PNLIP: variants seen among roughly 807,000 people sequenced by gnomAD.
PNLIP encodes the protein pancreatic lipase.
In PNLIP, 49 loss-of-function variants were observed where a neutral mutation model predicts 57.1. That is an observed-to-expected ratio of 0.86 (90% confidence interval 0.68 to 1.09). The LOEUF (loss-of-function observed/expected upper bound fraction) is 1.09. Among genes scored for constraint, PNLIP ranks in the 50% least tolerant of loss-of-function variants. The pLI is 0.00. For missense variants in PNLIP, 503 were observed against 570.2 expected (o/e 0.88, Z 1.20); for synonymous variants, 209 against 200.4 (o/e 1.04, Z -0.36).
At chr10:116,552,576 G>C (rs1847205658) in intron 5 of PNLIP, among the ~76,000 whole-genome samples, 1 of 152,114 alleles carries the variant, frequency 6.6e-6, no homozygotes. Context: ...ATTACAAAAA[G>C]TTAAAAGTTT....
chr10:116,565,872 C>T (rs191118874), intron 12 of PNLIP, among the ~76,000 whole-genome samples: 135 of 152,296 alleles, frequency 8.9e-4, no homozygotes, highest in Non-Finnish European at 1.7e-3. Flanking sequence ...TGCAGTGGCA[C>T]GATCTTGGCT....
chr10:116,547,182 G>A (rs1847134666), intron 2 of PNLIP, 112 bp from the exon 3 acceptor site: 19 of 953,410 alleles, frequency 2.0e-5, no homozygotes, highest in Non-Finnish European at 3.2e-5. Context: ...AGGGTGTTGA[G>A]AGTAGCAGAG....
At chr10:116,565,329 G>A (rs573928799) in intron 12 of PNLIP, among the ~76,000 whole-genome samples, 1 of 145,080 alleles carries the variant, frequency 6.9e-6, no homozygotes, top group African/African-American at 2.5e-5. Context: ...GAAGACAATA[G>A]ACTCATATCT....
rs756750301 is a variant in PNLIP, at chr10:116,560,396, G to T, written c.1061-20G>T. On this transcript the variant is annotated intron_variant, in intron 10 of 12. Transcript: ENST00000369221. ...TCTTTTATCTCCAAACTGACATTTT[G>T]CAATTTTTCTCCCTTGCAGGTTGGA... 140 of 1,357,392 alleles carry T rather than the reference G, an allele frequency of 1.0e-4. No homozygotes were observed. The highest frequency in any genetic ancestry group is 1.4e-4 in the Non-Finnish European group (137 of 970,082). 84.1% of individuals were successfully genotyped at this position (1,357,392 alleles called of 1,614,324 possible). A position where few individuals can be genotyped will look rare whatever the true frequency, so the allele number is the denominator to read the frequency against.
intron 6 of PNLIP, among the ~76,000 whole-genome samples, chr10:116,554,047 G>A (rs1054602949): frequency 4.6e-5 from 7 of 151,986 alleles, no homozygotes; most frequent in East Asian, 1.9e-4. Context: ...GCAACCCTAC[G>A]TTTTACCTTT....
chr10:116,558,143 A>G, intron 9 of PNLIP, among the ~76,000 whole-genome samples: 1 of 149,806 alleles, frequency 6.7e-6, no homozygotes, highest in Non-Finnish European at 1.5e-5. Context: ...AATAAATTCT[A>G]TTTTGTTTAT....
intron 3 of PNLIP, among the ~76,000 whole-genome samples, 195 bp downstream of exon 3, chr10:116,547,643 G>A (rs530346966): frequency 1.3e-3 from 200 of 150,274 alleles, no homozygotes; most frequent in African/African-American, 3.6e-3. Context: ...GGAGGATGGC[G>A]TGAACCCGGG....
chr10:116,546,024 A>C (rs1408664601), intron 1 of PNLIP, 66 bp downstream of exon 1: 4 of 1,357,894 alleles, frequency 2.9e-6, no homozygotes, highest in Non-Finnish European at 4.2e-6. Flanking sequence ...CCAGAGGTCT[A>C]AATGAACTAA....
chr10:116,546,517 C>T (rs564054278), intron 2 of PNLIP, among the ~76,000 whole-genome samples: 9 of 152,278 alleles, frequency 5.9e-5, no homozygotes, highest in Non-Finnish European at 1.3e-4. Context: ...AACTGTATTA[C>T]CCTGAGCAAA....
chr10:116,552,033 T>C (rs1847199471), intron 5 of PNLIP, among the ~76,000 whole-genome samples: 1 of 152,222 alleles, frequency 6.6e-6, no homozygotes, highest in Non-Finnish European at 1.5e-5. Context: ...TTGTGACCTA[T>C]AGCTATCATG....
At chr10:116,567,142 T>G (rs1194673765) in intron 12 of PNLIP, among the ~76,000 whole-genome samples, 2 of 150,332 alleles carry the variant, frequency 1.3e-5, no homozygotes, top group Non-Finnish European at 1.5e-5. Flanking sequence ...TTTCTTTCTT[T>G]TCTTCTCTTT....
At chr10:116,567,564 G>T (rs1847383030) in intron 12 of PNLIP, among the ~76,000 whole-genome samples, 171 bp from the exon 13 acceptor site, 1 of 152,172 alleles carries the variant, frequency 6.6e-6, no homozygotes, top group Non-Finnish European at 1.5e-5. Context: ...CTGGAAAGGA[G>T]AATTCAGTCC....
At chr10:116,558,756 C>T (rs1847283048) in intron 9 of PNLIP, among the ~76,000 whole-genome samples, 1 of 151,808 alleles carries the variant, frequency 6.6e-6, no homozygotes, top group Non-Finnish European at 1.5e-5. Flanking sequence ...TCCAGAGTAG[C>T]TAGGATTACA....
intron 5 of PNLIP, among the ~76,000 whole-genome samples, 158 bp from the exon 6 acceptor site, chr10:116,553,569 G>A (rs1847217740): frequency 6.6e-6 from 1 of 152,188 alleles, no homozygotes. Context: ...AGCCCAGGTA[G>A]GTAGTAGGCT....
At chr10:116,547,475 T>G in intron 3 of PNLIP, 27 bp downstream of exon 3, 1 of 1,590,930 alleles carries the variant, frequency 6.3e-7, no homozygotes, top group Non-Finnish European at 8.6e-7. Flanking sequence ...TGTTTAGAAC[T>G]AAGTTCTTTG....
At chr10:116,566,955 G>A (rs1847373652) in intron 12 of PNLIP, among the ~76,000 whole-genome samples, 1 of 151,916 alleles carries the variant, frequency 6.6e-6, no homozygotes, top group African/African-American at 2.4e-5. Context: ...GTATTGTTCA[G>A]CCTGTTCTTT....
chr10:116,563,598 G>A (rs1039791258), intron 12 of PNLIP, among the ~76,000 whole-genome samples: 13 of 152,060 alleles, frequency 8.5e-5, no homozygotes, highest in East Asian at 3.9e-4. Flanking sequence ...ATGCCTTTGC[G>A]TCATCATAGC....
rs747224675 is a variant in PNLIP, at chr10:116,556,091, CTG to C, written c.906_907del (p.Ala303LeufsTer26). On this transcript the variant is annotated frameshift_variant, in exon 9 of 13. Coordinates refer to ENST00000369221, the MANE Select transcript of PNLIP (RefSeq NM_000936.4). LOFTEE classifies it high-confidence loss of function. Reference protein sequence around the residue: ...VNPDGFAGFPCASYNVFTANK... With the variant: ...VNPDGFAGFPXASYNVFTANK... ...ACCCTGATGGCTTTGCTGGATTCCC[CTG>C]TGCCTCTTACAACGTCTTCACTGCA... The C allele has an allele frequency of 4.3e-5, 70 of 1,612,046 alleles. No individual in the cohort carries two copies. The highest frequency in any genetic ancestry group is 5.7e-5 in the Non-Finnish European group (67 of 1,178,202).
Position 116,560,321 on chromosome 10 carries a change from A to G in PNLIP, c.1061-95A>G, listed in dbSNP as rs916426733. ...CACACACACACACAATTATAAATAA[A>G]TTATTCAAAACGTGGCAGTAGTGGG... On this transcript the variant is annotated intron_variant, in intron 10 of 12. Coordinates refer to ENST00000369221, the MANE Select transcript of PNLIP (RefSeq NM_000936.4). 2.5e-5 allele frequency: 16 copies of G among 641,272 alleles called. No homozygotes were observed. In the East Asian group the frequency reaches 4.4e-4, roughly 18 times the overall value. 39.7% of individuals were successfully genotyped at this position (641,272 alleles called of 1,614,324 possible).
Sources: allele counts gnomAD v4.1 joint callset (sites outside exome capture counted in the v4.1 genomes callset), GRCh38; gene constraint gnomAD v4.1.1; transcripts MANE v1.5; gene names NCBI Gene and HGNC (gene_info 2026-07-23, HGNC 2026-07-21).